Variants in FILIP1 observed in about 807,000 individuals in gnomAD.
FILIP1 encodes filamin A interacting protein 1.
Under a neutral mutation model 102.1 loss-of-function variants are expected in FILIP1, and 61 were observed. That is an observed-to-expected ratio of 0.60 (90% CI 0.49 to 0.74). The LOEUF (loss-of-function observed/expected upper bound fraction) is 0.74. FILIP1 is among the 30% of genes least tolerant of loss of function. The pLI, the probability that FILIP1 is intolerant of heterozygous loss-of-function variation, is 0.00. For synonymous variants in FILIP1, 491 were observed against 526.9 expected (o/e 0.93, Z 0.93); for missense variants, 1,314 against 1,441.2 (o/e 0.91, Z 1.43).
rs546619822 is a variant in FILIP1, at chr6:75,374,327, C to T, written c.277-11410G>A. Among the ~76,000 whole-genome samples, 29 of 152,310 alleles carry T rather than the reference C, an allele frequency of 1.9e-4. 1 individual carries two copies. Among genetic ancestry groups the T allele is most frequent in the Non-Finnish European group, 4.0e-4 (27 of 68,038 alleles). ...AGAGCCCTTAAACTGCCCACCTGTACGCATAATCAGCAGATAGGGTCCAGC... is the reference window on the plus strand; with the variant it reads ...AGAGCCCTTAAACTGCCCACCTGTATGCATAATCAGCAGATAGGGTCCAGC... On this transcript the variant is annotated intron_variant, in intron 2 of 5. Transcript: ENST00000237172.
At chr6:75,469,328 C>T (rs1582554196) in intron 1 of FILIP1, among the ~76,000 whole-genome samples, 1 of 151,978 alleles carries the variant, frequency 6.6e-6, no homozygotes, top group Middle Eastern at 3.5e-3. Context: ...CATTCAAGTG[C>T]TAATTGAATA....
exon 7 of FILIP1, chr6:75,293,002 T>C (rs918760012): frequency 6.6e-6 from 1 of 152,188 alleles, no homozygotes; most frequent in African/African-American, 2.4e-5. Flanking sequence ...CTTCACATTT[T>C]GTGAAAATTA....
intron 4 of FILIP1, among the ~76,000 whole-genome samples, chr6:75,321,968 T>C (rs1394306538): frequency 1.3e-5 from 2 of 151,586 alleles, no homozygotes; most frequent in Admixed American, 1.3e-4. Flanking sequence ...GAGAAACAGA[T>C]ACAGAGAAAG....
chr6:75,318,023 G>A lies in FILIP1; in HGVS notation c.630-2821C>T, dbSNP rs1347234773. 3.9e-5 allele frequency among the ~76,000 whole-genome samples: 6 copies of A among 152,118 alleles called. No homozygotes were observed. In the South Asian group the frequency reaches 6.2e-4, roughly 16 times the overall value. On this transcript the variant is annotated intron_variant, in intron 4 of 5. Transcript: ENST00000237172. ...AGTTCATGTCCAGTCAGTCTCTCCC[G>A]TTATCTAACATTCCTTGCAAATGCT...
intron 4 of FILIP1, among the ~76,000 whole-genome samples, chr6:75,323,763 C>A (rs1773738968): frequency 6.6e-6 from 1 of 152,194 alleles, no homozygotes; most frequent in African/African-American, 2.4e-5. Flanking sequence ...TGTCCCCACC[C>A]AAATCTCATC....
chr6:75,412,747 A>G (rs527621962), intron 2 of FILIP1, among the ~76,000 whole-genome samples: 9 of 152,304 alleles, frequency 5.9e-5, no homozygotes, highest in Non-Finnish European at 8.8e-5. Context: ...ACAAGGACAT[A>G]TGTTTATATA....
At chr6:75,392,154 C>T (rs1428809292) in intron 2 of FILIP1, among the ~76,000 whole-genome samples, 2 of 152,154 alleles carry the variant, frequency 1.3e-5, no homozygotes, top group Non-Finnish European at 2.9e-5. Context: ...GAGTCCTCCT[C>T]ATCCTCCCAG....
chr6:75,468,776 A>G, intron 1 of FILIP1, among the ~76,000 whole-genome samples: 1 of 152,256 alleles, frequency 6.6e-6, no homozygotes, highest in Non-Finnish European at 1.5e-5. Context: ...ATAATAACCT[A>G]TACCTAGATA....
intron 2 of FILIP1, among the ~76,000 whole-genome samples, chr6:75,380,483 T>C (rs114350613): frequency 7.2e-5 from 11 of 152,310 alleles, no homozygotes; most frequent in African/African-American, 2.6e-4. Context: ...ATAATAGTTA[T>C]TGCAAGTGAG....
intron 1 of FILIP1, among the ~76,000 whole-genome samples, chr6:75,426,125 C>A (rs1777617423): frequency 6.6e-6 from 1 of 151,998 alleles, no homozygotes; most frequent in Non-Finnish European, 1.5e-5. Flanking sequence ...AGTTTGCCAA[C>A]CCTGATCGAG....
intron 4 of FILIP1, among the ~76,000 whole-genome samples, chr6:75,343,063 T>C (rs1296186057): frequency 6.6e-6 from 1 of 152,152 alleles, no homozygotes; most frequent in Non-Finnish European, 1.5e-5. Flanking sequence ...TCAGGTCAAA[T>C]GAGGTCATAA....
chr6:75,484,423 T>TCTTTTAAAGTA (rs1399511715), intron 1 of FILIP1, among the ~76,000 whole-genome samples: 1 of 150,752 alleles, frequency 6.6e-6, no homozygotes, highest in Non-Finnish European at 1.5e-5. Context: ...TAAAGTACTG[T>TCTTTTAAAGTA]CTTTTAAAGT....
chr6:75,466,467 C>T (rs1779168308), intron 1 of FILIP1, among the ~76,000 whole-genome samples: 1 of 152,198 alleles, frequency 6.6e-6, no homozygotes, highest in African/African-American at 2.4e-5. Flanking sequence ...TAGCTTCATT[C>T]ATGTATCCAT....
chr6:75,397,263 A>C (rs1391093492), intron 2 of FILIP1, among the ~76,000 whole-genome samples: 3 of 151,920 alleles, frequency 2.0e-5, no homozygotes, highest in African/African-American at 7.3e-5. Context: ...AAATTCTAAA[A>C]AAAATAATAA....
At chr6:75,445,617 A>AT (rs200129252) in intron 1 of FILIP1, among the ~76,000 whole-genome samples, 1,851 of 144,902 alleles carry the variant, frequency 0.013, 44 homozygotes, top group African/African-American at 0.042. Flanking sequence ...ACCACATTTA[A>AT]TTTTTTTTTT....
At chr6:75,402,106 T>C (rs1447515637) in intron 2 of FILIP1, among the ~76,000 whole-genome samples, 1 of 152,160 alleles carries the variant, frequency 6.6e-6, no homozygotes, top group African/African-American at 2.4e-5. Flanking sequence ...AATATGTCTT[T>C]TTTTACATTT....
rs143349667 is a variant in FILIP1, at chr6:75,444,197, C to G, written c.-6-29219G>C. ...GCCTCTAATTTTCAGATACATTTCC[C>G]TCAGTTAATACTAAACAGGTTGTGA... On this transcript the variant is annotated intron_variant, in intron 1 of 5. Coordinates refer to ENST00000237172, the MANE Select transcript of FILIP1 (RefSeq NM_015687.5). 5.2e-3 allele frequency among the ~76,000 whole-genome samples: 798 copies of G among 152,310 alleles called. 6 individuals are homozygous for G. Among genetic ancestry groups the G allele is most frequent in the African/African-American group, 0.019 (772 of 41,576 alleles).
chr6:75,324,787 A>G (rs1449181436), intron 4 of FILIP1, among the ~76,000 whole-genome samples: 1 of 152,238 alleles, frequency 6.6e-6, no homozygotes, highest in Non-Finnish European at 1.5e-5. Context: ...AAAGCCAAGT[A>G]CTTACAGCCA....
chr6:75,458,619 C>T (rs73461793), intron 1 of FILIP1: 9 of 152,206 alleles, frequency 5.9e-5, no homozygotes, highest in South Asian at 2.1e-4. Flanking sequence ...AGGTGGTCTC[C>T]GGCTGGGAGG....
Sources: gnomAD v4.1 joint callset for allele counts (sites outside exome capture counted in the v4.1 genomes callset) on GRCh38, gnomAD v4.1.1 for gene constraint, MANE v1.5 for transcripts, NCBI Gene and HGNC (gene_info 2026-07-23, HGNC 2026-07-21) for gene names.